ANKRD30A: variants seen among roughly 807,000 people sequenced by gnomAD.
The protein encoded by ANKRD30A is ankyrin repeat domain-containing protein 30A.
ANKRD30A carries 170 observed loss-of-function variants against 166.3 expected under a neutral mutation model. The observed-to-expected ratio is 1.02, with a 90% CI of 0.90 to 1.16. The LOEUF (loss-of-function observed/expected upper bound fraction) is 1.16. Among genes scored for constraint, ANKRD30A ranks in the 50% most tolerant of loss-of-function variants. The probability of loss-of-function intolerance (pLI) is 0.00; values close to 1 mark genes in which losing one functional copy is unlikely to be tolerated. For synonymous variants in ANKRD30A, 564 were observed against 508.9 expected (o/e 1.11, Z -1.46); for missense variants, 1,630 against 1,518.0 (o/e 1.07, Z -1.23).
intron 11 of ANKRD30A, among the ~76,000 whole-genome samples, chr10:37,151,029 T>G (rs1711250): frequency 0.076 from 6,233 of 81,918 alleles, 530 homozygotes; most frequent in African/African-American, 0.12. Flanking sequence ...GAGTTTCTTG[T>G]ACCCTCTGCA....
intron 24 of ANKRD30A, among the ~76,000 whole-genome samples, chr10:37,183,958 C>CT (rs1840224642): frequency 6.6e-6 from 1 of 151,426 alleles, no homozygotes; most frequent in South Asian, 2.1e-4. Context: ...ACCATCCTGA[C>CT]TAACACGGTG....
At chr10:37,197,336 A>G in intron 28 of ANKRD30A, 27 bp downstream of exon 28, 1 of 1,613,216 alleles carries the variant, frequency 6.2e-7, no homozygotes, top group Non-Finnish European at 8.5e-7. Flanking sequence ...TTTCATTTTG[A>G]ATGACTTATT....
At chr10:37,235,681 T>A (rs1172014076), downstream of ANKRD30A, among the ~76,000 whole-genome samples, 1 of 152,052 alleles carries the variant, frequency 6.6e-6, no homozygotes, top group Non-Finnish European at 1.5e-5. Context: ...AGCCTGTCAC[T>A]AAGTTATTGT....
Position 37,162,405 on chromosome 10 carries a change from C to T in ANKRD30A, c.1901-244C>T, listed in dbSNP as rs558275303. On this transcript the variant is annotated intron_variant, in intron 15 of 35. Transcript: ENST00000361713. Reference sequence around the variant, plus strand: ...TTTTCTCATATCAACCCTTTATACACATGAAACACAATCTCGCTTTTGAAG... The same window carrying T: ...TTTTCTCATATCAACCCTTTATACATATGAAACACAATCTCGCTTTTGAAG... 8.0e-4 allele frequency among the ~76,000 whole-genome samples: 122 copies of T among 152,278 alleles called. No homozygotes were observed. In the Middle Eastern group the frequency reaches 0.014, roughly 17 times the overall value.
At chr10:37,197,535 G>T in intron 29 of ANKRD30A, 55 bp downstream of exon 29, 15 of 1,609,802 alleles carry the variant, frequency 9.3e-6, no homozygotes, top group Non-Finnish European at 1.3e-5. Context: ...TGAACATTTT[G>T]ATGGTCTTTC....
At position 37,165,011 on chromosome 10, in the gene ANKRD30A, A is replaced by C. The variant is rs1839200553; in HGVS notation, c.2003-83A>C. ...ACAGAGGAAAATCCACAGATTCGTG[A>C]ATGAAAGTAGATTTGTATATGTTTT... On this transcript the variant is annotated intron_variant, in intron 17 of 35. Coordinates refer to ENST00000361713, the MANE Select transcript of ANKRD30A (RefSeq NM_052997.3). 5.7e-6 allele frequency: 8 copies of C among 1,392,368 alleles called. No individual in the cohort carries two copies. In the South Asian group the frequency reaches 9.4e-5, roughly 16 times the overall value. The allele number at this position is 1,392,368 out of a possible 1,614,324, so 86.3% of individuals were successfully genotyped here.
intron 13 of ANKRD30A, among the ~76,000 whole-genome samples, chr10:37,157,182 G>A (rs1479230500): frequency 6.6e-6 from 1 of 152,054 alleles, no homozygotes; most frequent in Non-Finnish European, 1.5e-5. Context: ...TTTTTTATAA[G>A]AGCTTATTCA....
At chr10:37,224,746 A>G (rs1218943979) in intron 34 of ANKRD30A, among the ~76,000 whole-genome samples, 2 of 151,484 alleles carry the variant, frequency 1.3e-5, no homozygotes, top group East Asian at 3.9e-4. Context: ...GTGCTAGCAA[A>G]GATCTTTAGA....
intron 34 of ANKRD30A, among the ~76,000 whole-genome samples, chr10:37,229,955 T>C (rs939280951): frequency 6.6e-6 from 1 of 151,894 alleles, no homozygotes; most frequent in African/African-American, 2.4e-5. Context: ...ACAAATTCAT[T>C]TTACTCTTTT....
chr10:37,139,058 TG>T (rs1272753657), intron 6 of ANKRD30A, among the ~76,000 whole-genome samples: 1 of 151,896 alleles, frequency 6.6e-6, no homozygotes, highest in African/African-American at 2.4e-5. Flanking sequence ...CAGAAGAGAG[TG>T]GGGGCCAATA....
chr10:37,141,977 A>T lies in ANKRD30A; in HGVS notation c.1080A>T (p.Glu360Asp). 6.2e-7 allele frequency: 1 copy of T among 1,614,164 alleles called. No individual in the cohort carries two copies. ...AGTCAGCAGAAGAAACACCTAGGGAAATTACGAGTCCTGCAAAAGAAACAT... is the reference window on the plus strand; with the variant it reads ...AGTCAGCAGAAGAAACACCTAGGGATATTACGAGTCCTGCAAAAGAAACAT... The part of the protein sequence containing the change: ...FEQSAEETPR[E>D]ITSPAKETSE... The change falls in exon 7 of 36, where the codon GAA becomes GAT. Residue 360 changes from glutamate to aspartate, a missense_variant. Physicochemically the swap from Glu to Asp is conservative, Grantham distance 45. Around this residue, in one of 4 missense-constraint regions of ANKRD30A, gnomAD observed 904 missense variants for 818.5 expected, o/e 1.10. Transcript: ENST00000361713.
chr10:37,254,770 G>A, the ANKRD30A span, among the ~76,000 whole-genome samples: 1 of 145,566 alleles, frequency 6.9e-6, no homozygotes, highest in Non-Finnish European at 1.5e-5. Flanking sequence ...TGCAAGCTCC[G>A]CCTCCCGGGT....
chr10:37,195,642 G>C (rs923626076), intron 27 of ANKRD30A, among the ~76,000 whole-genome samples: 6 of 152,252 alleles, frequency 3.9e-5, no homozygotes, highest in South Asian at 2.1e-4. Context: ...CGCCTGTAAT[G>C]CCAGCACGTT....
chr10:37,215,621 T>A (rs1842562126), intron 31 of ANKRD30A, among the ~76,000 whole-genome samples: 1 of 151,366 alleles, frequency 6.6e-6, no homozygotes, highest in Non-Finnish European at 1.5e-5. Flanking sequence ...TTGCTTTCCA[T>A]TTTTTTTCTG....
At chr10:37,144,688 A>G (rs1837375961) in intron 7 of ANKRD30A, among the ~76,000 whole-genome samples, 1 of 152,208 alleles carries the variant, frequency 6.6e-6, no homozygotes, top group South Asian at 2.1e-4. Flanking sequence ...AGTGAACAGC[A>G]AATATCTGAC....
the ANKRD30A span, among the ~76,000 whole-genome samples, chr10:37,264,274 A>AC: frequency 6.6e-6 from 1 of 152,202 alleles, no homozygotes; most frequent in South Asian, 2.1e-4. Context: ...GATAAATCTT[A>AC]GAGAAAGGCC....
At chr10:37,200,031 T>C (rs1841493983) in intron 30 of ANKRD30A, among the ~76,000 whole-genome samples, 1 of 152,074 alleles carries the variant, frequency 6.6e-6, no homozygotes, top group Admixed American at 6.6e-5. Context: ...TAATAAGAGT[T>C]AGAATTCACT....
intron 1 of ANKRD30A, among the ~76,000 whole-genome samples, chr10:37,127,077 A>AAAAAAAAAAAAAAAAAAAAAAAAC: frequency 7.1e-6 from 1 of 141,094 alleles, no homozygotes; most frequent in East Asian, 2.0e-4. Flanking sequence ...AAAAAAAAAA[A>AAAAAAAAAAAAAAAAAAAAAAAAC]AAAAAAAATC....
chr10:37,218,658 C>T (rs1341303551), intron 33 of ANKRD30A, among the ~76,000 whole-genome samples: 1 of 150,602 alleles, frequency 6.6e-6, no homozygotes, highest in East Asian at 1.9e-4. Context: ...CGTATGTAGT[C>T]AAATTGATTT....
Sources: allele counts gnomAD v4.1 joint callset (sites outside exome capture counted in the v4.1 genomes callset), GRCh38; gene constraint gnomAD v4.1.1; regional missense constraint gnomAD v4.1.1; transcripts MANE v1.5; gene names NCBI Gene and HGNC (gene_info 2026-07-23, HGNC 2026-07-21).